The following SNX29 variants were observed in gnomAD, a reference collection of about 807,000 sequenced individuals.
SNX29 encodes sorting nexin-29.
In SNX29, 78 loss-of-function variants were observed where a neutral mutation model predicts 102.1. That is an observed-to-expected ratio of 0.76 (90% confidence interval 0.64 to 0.92). The LOEUF (loss-of-function observed/expected upper bound fraction) is 0.92, where lower values mean the gene tolerates loss of function less well. Ranked by LOEUF, SNX29 falls within the 40% of genes least tolerant of loss-of-function variation. The pLI, the probability that SNX29 is intolerant of heterozygous loss-of-function variation, is 0.00. For missense variants in SNX29, 1,280 were observed against 1,061.7 expected (o/e 1.21, Z -2.86); for synonymous variants, 580 against 414.5 (o/e 1.40, Z -4.85).
At chr16:12,260,274 G>A (rs1221709842) in intron 14 of SNX29, among the ~76,000 whole-genome samples, 5 of 152,182 alleles carry the variant, frequency 3.3e-5, no homozygotes, top group Non-Finnish European at 7.3e-5. Context: ...CCTTGACATT[G>A]TTTTCCTTGT....
chr16:12,556,805 T>TA (rs2078381278), intron 20 of SNX29, among the ~76,000 whole-genome samples: 2 of 152,012 alleles, frequency 1.3e-5, no homozygotes, highest in Non-Finnish European at 2.9e-5. Flanking sequence ...CCCCCTTTAC[T>TA]AAAGTACAGA....
chr16:12,549,368 A>C (rs1275263611), intron 20 of SNX29, among the ~76,000 whole-genome samples: 1 of 152,138 alleles, frequency 6.6e-6, no homozygotes, highest in African/African-American at 2.4e-5. Flanking sequence ...GGTGGTGTGC[A>C]CCTGTAGTCC....
At chr16:12,175,257 C>T (rs958246910) in intron 13 of SNX29, among the ~76,000 whole-genome samples, 2 of 152,006 alleles carry the variant, frequency 1.3e-5, no homozygotes, top group African/African-American at 2.4e-5. Flanking sequence ...GTCCGCCTAC[C>T]CCCCGAATAT....
At chr16:12,207,460 C>T (rs2077073794) in intron 14 of SNX29, among the ~76,000 whole-genome samples, 1 of 152,210 alleles carries the variant, frequency 6.6e-6, no homozygotes, top group South Asian at 2.1e-4. Flanking sequence ...CTTTACTGTG[C>T]CCCAATCCCT....
intron 1 of SNX29, among the ~76,000 whole-genome samples, chr16:11,990,161 C>T (rs1161596786): frequency 6.6e-6 from 1 of 152,174 alleles, no homozygotes; most frequent in Non-Finnish European, 1.5e-5. Context: ...GGATTGGTGG[C>T]GGGCCTGGCC....
intron 14 of SNX29, among the ~76,000 whole-genome samples, chr16:12,245,377 T>A (rs1421336301): frequency 6.6e-6 from 1 of 151,950 alleles, no homozygotes; most frequent in African/African-American, 2.4e-5. Context: ...TGTAAAGCGC[T>A]CAGTAACTGT....
Position 12,098,417 on chromosome 16 carries a change from A to G in SNX29, c.1402+19502A>G, listed in dbSNP as rs1280100896. On this transcript the variant is annotated intron_variant, in intron 11 of 20. Transcript: ENST00000566228. This position sits in a 1 kb window ranked among gnomAD's most constrained non-coding sequence, Gnocchi z 6.0. ...ACCTTCTGGAAGAACGTCGCTGCCC[A>G]GTTGAATAGGGGGTTGGGCATACTG... is the stretch of plus-strand genomic sequence containing the variant. Among the ~76,000 whole-genome samples, 2 of 152,062 alleles carry G rather than the reference A, an allele frequency of 1.3e-5. No homozygotes were observed. Among genetic ancestry groups the G allele is most frequent in the Admixed American group, 6.6e-5 (1 of 15,258 alleles).
At chr16:12,244,557 C>T (rs1365654518) in intron 14 of SNX29, among the ~76,000 whole-genome samples, 2 of 151,982 alleles carry the variant, frequency 1.3e-5, no homozygotes, top group African/African-American at 2.4e-5. Context: ...TTGCAGTGAG[C>T]CGAGATCATG....
intron 19 of SNX29, among the ~76,000 whole-genome samples, chr16:12,508,692 A>G (rs536007178): frequency 1.3e-5 from 2 of 151,788 alleles, no homozygotes; most frequent in African/African-American, 2.4e-5. Flanking sequence ...CCATTGCAGT[A>G]TGGAATTGTC....
intron 19 of SNX29, among the ~76,000 whole-genome samples, chr16:12,512,644 G>A (rs906367713): frequency 1.3e-5 from 2 of 151,780 alleles, no homozygotes; most frequent in African/African-American, 4.8e-5. Flanking sequence ...ATACGCAGGC[G>A]GTTGATGGAT....
intron 13 of SNX29, among the ~76,000 whole-genome samples, chr16:12,189,781 C>G (rs552695670): frequency 6.6e-6 from 1 of 152,044 alleles, no homozygotes; most frequent in East Asian, 1.9e-4. Context: ...CGGATCGTCT[C>G]AGAGCGTCCG....
chr16:12,533,571 A>G (rs775262041), intron 20 of SNX29, among the ~76,000 whole-genome samples: 10 of 152,174 alleles, frequency 6.6e-5, no homozygotes, highest in Non-Finnish European at 1.2e-4. Flanking sequence ...CCTCGTCATT[A>G]TCAACCAGGT....
At position 12,514,636 on chromosome 16, in the gene SNX29, G is replaced by A. The variant is rs188452295; in HGVS notation, c.2179-10066G>A. 6.4e-4 allele frequency among the ~76,000 whole-genome samples: 97 copies of A among 152,222 alleles called. 1 individual carries two copies. Among genetic ancestry groups the A allele is most frequent in the African/African-American group, 2.2e-3 (92 of 41,540 alleles). On this transcript the variant is annotated intron_variant, in intron 19 of 20. Coordinates refer to ENST00000566228, the MANE Select transcript of SNX29 (RefSeq NM_032167.5). ...TCCCAGCACTTTGGGAGGCCAAGACGGGCAAATCACTTGAGGCCAGGAGTT... is the reference window on the plus strand; with the variant it reads ...TCCCAGCACTTTGGGAGGCCAAGACAGGCAAATCACTTGAGGCCAGGAGTT...
chr16:12,546,777 C>CAGTT (rs2077632483), intron 20 of SNX29: 1 of 151,534 alleles, frequency 6.6e-6, no homozygotes, highest in African/African-American at 2.4e-5. Context: ...TTCCATGCAA[C>CAGTT]AAAGGAAATT....
chr16:12,182,444 T>C (rs985454493), intron 13 of SNX29, among the ~76,000 whole-genome samples: 1 of 152,142 alleles, frequency 6.6e-6, no homozygotes, highest in Admixed American at 6.5e-5. Context: ...CAAAAGTAAT[T>C]ACTCTGATGG....
At chr16:12,384,682 G>T (rs1045691750) in intron 16 of SNX29, among the ~76,000 whole-genome samples, 6 of 152,138 alleles carry the variant, frequency 3.9e-5, no homozygotes, top group African/African-American at 1.4e-4. Context: ...TCTTCACTTT[G>T]CTCATTGTTT....
chr16:12,240,585 C>CTTTTTTTTTT lies in SNX29; in HGVS notation c.1679-37330_1679-37321dup. On this transcript the variant is annotated intron_variant, in intron 14 of 20. Coordinates refer to ENST00000566228, the MANE Select transcript of SNX29 (RefSeq NM_032167.5). ...ATAAAATAGCATTTCTTTGTCATTT[C>CTTTTTTTTTT]TTTTTTTTTTTTTTTTTTTTTTTTT... 2.6e-3 allele frequency among the ~76,000 whole-genome samples: 167 copies of CTTTTTTTTTT among 64,808 alleles called. 41 individuals are homozygous for CTTTTTTTTTT. Among genetic ancestry groups the CTTTTTTTTTT allele is most frequent in the African/African-American group, 6.3e-3 (112 of 17,672 alleles). The allele number at this position is 64,808 out of a possible 152,430, so 42.5% of individuals were successfully genotyped here. A position where few individuals can be genotyped will look rare whatever the true frequency, so the allele number is the denominator to read the frequency against.
intron 14 of SNX29, among the ~76,000 whole-genome samples, chr16:12,265,578 C>T (rs902314903): frequency 2.6e-5 from 4 of 151,772 alleles, no homozygotes; most frequent in African/African-American, 7.3e-5. Context: ...ATTCTCACGT[C>T]GGCCAGGCAC....
intron 18 of SNX29, among the ~76,000 whole-genome samples, chr16:12,429,111 T>C (rs998000967): frequency 6.6e-6 from 1 of 152,198 alleles, no homozygotes; most frequent in East Asian, 1.9e-4. Flanking sequence ...ACGATTGCGA[T>C]TAATAGCTCT....
Sources: gnomAD v4.1 joint callset for allele counts (sites outside exome capture counted in the v4.1 genomes callset) on GRCh38, gnomAD v4.1.1 for gene constraint, Gnocchi (gnomAD v3.1) non-coding constraint, MANE v1.5 for transcripts, NCBI Gene and HGNC (gene_info 2026-07-23, HGNC 2026-07-21) for gene names.